Variants in GFI1B observed in about 807,000 individuals in gnomAD.
The protein encoded by GFI1B is growth factor independent 1B transcriptional repressor, also known as zinc finger protein Gfi-1b.
Under a neutral mutation model 35.3 loss-of-function variants are expected in GFI1B, and 20 were observed. The ratio of observed to expected loss-of-function variants is 0.57; its 90% CI spans 0.40 to 0.82. The LOEUF is 0.82. Among genes scored for constraint, GFI1B ranks in the 40% least tolerant of loss-of-function variants. The pLI is 0.00. For synonymous variants in GFI1B, 178 were observed against 177.6 expected (o/e 1.00, Z -0.02); for missense variants, 430 against 446.3 (o/e 0.96, Z 0.33).
intron 1 of GFI1B, among the ~76,000 whole-genome samples, chr9:132,957,516 G>A (rs1388228196): frequency 2.0e-5 from 3 of 152,148 alleles, no homozygotes; most frequent in East Asian, 1.9e-4. Context: ...GCTGGGCATG[G>A]GGGAACTCAG....
intron 1 of GFI1B, among the ~76,000 whole-genome samples, chr9:132,985,144 G>A (rs933362526): frequency 2.0e-5 from 3 of 152,222 alleles, no homozygotes; most frequent in African/African-American, 2.4e-5. Context: ...GGGGCAGAAA[G>A]GATAGAGGAC....
chr9:132,982,298 G>A (rs571155553), intron 1 of GFI1B, among the ~76,000 whole-genome samples: 1 of 152,310 alleles, frequency 6.6e-6, no homozygotes, highest in African/African-American at 2.4e-5. Context: ...CCCCAGGTTG[G>A]TGGCTGATGC....
upstream of GFI1B, among the ~76,000 whole-genome samples, chr9:132,976,842 T>C (rs1055587344): frequency 2.2e-4 from 33 of 152,268 alleles, no homozygotes; most frequent in African/African-American, 7.9e-4. Context: ...CTCAAGAGGC[T>C]GAAGCAGGAG....
chr9:132,991,024 C>G lies in GFI1B; in HGVS notation c.967C>G (p.Arg323Gly). ...GCGCAAGGTGGACCTGCGGCGGCAC[C>G]GCGAGAGCCAGCACAATCTCAAGTG... The part of the protein sequence containing the change: ...FQRKVDLRRH[R>G]ESQHNLK The change falls in exon 7 of 7, where the codon CGC (arginine) becomes GGC (glycine). Residue 323 changes from arginine (R) to glycine (G), a missense_variant. Arg to Gly is a moderately radical substitution (Grantham distance 125). Coordinates refer to ENST00000372122, the MANE Select transcript of GFI1B (RefSeq NM_001377304.1). 1 of 1,614,008 alleles carries G rather than the reference C, an allele frequency of 6.2e-7. No individual in the cohort carries two copies.
At chr9:132,955,841 T>TG (rs1848276526) in intron 1 of GFI1B, among the ~76,000 whole-genome samples, 1 of 148,518 alleles carries the variant, frequency 6.7e-6, no homozygotes, top group Admixed American at 6.8e-5. Context: ...TGTGTGTGTG[T>TG]TTAAGGAATT....
intron 1 of GFI1B, among the ~76,000 whole-genome samples, chr9:132,984,813 C>T (rs1157783642): frequency 6.6e-6 from 1 of 152,180 alleles, no homozygotes; most frequent in African/African-American, 2.4e-5. Context: ...TGCCCCCAGG[C>T]TCTGGGCCAG....
intron 6 of GFI1B, 76 bp from the exon 7 acceptor site, chr9:132,990,796 G>A (rs1253443100): frequency 8.9e-6 from 12 of 1,345,858 alleles, no homozygotes; most frequent in African/African-American, 2.9e-5. Flanking sequence ...GAACCCGGGG[G>A]CAGGGCAGGG....
At position 132,991,497 on chromosome 9, in the gene GFI1B, A is replaced by C; in HGVS notation, c.*447A>C. The C allele has an allele frequency of 5.5e-6, 1 of 180,792 alleles. No individual in the cohort carries two copies. Among genetic ancestry groups the C allele is most frequent in the Non-Finnish European group, 1.2e-5 (1 of 84,230 alleles). 11.2% of individuals were successfully genotyped at this position (180,792 alleles called of 1,614,324 possible). A position where few individuals can be genotyped will look rare whatever the true frequency, so the allele number is the denominator to read the frequency against. ...ACAGGCAGAGTCGGAGCTGCCTCCC[A>C]CCCCAGTCAGAAGCCTGGCACCCCC... On this transcript the variant is annotated 3_prime_UTR_variant, in exon 7 of 7. Coordinates refer to ENST00000372122, the MANE Select transcript of GFI1B (RefSeq NM_001377304.1).
Position 132,989,750 on chromosome 9 carries a change from C to A in GFI1B, c.657C>A (p.Ser219Arg). The A allele has an allele frequency of 1.2e-6, 2 of 1,613,972 alleles. No homozygotes were observed. Among genetic ancestry groups the A allele is most frequent in the Non-Finnish European group, 1.7e-6 (2 of 1,179,844 alleles). ...CTCATTTCCTCCGGCAGGAGCGCAG[C>A]TTCGAGTGCCGCATGTGCGGCAAGG... ...QHTHVHSQER[S>R]FECRMCGKAF... is the part of the protein sequence containing the mutation. Residue 219 changes from serine (S) to arginine (R), a missense_variant, in exon 6 of 7, where the codon AGC (serine) becomes AGA (arginine). Ser to Arg is a moderately radical substitution (Grantham distance 110). Coordinates refer to ENST00000372122, the MANE Select transcript of GFI1B (RefSeq NM_001377304.1). The surrounding 1 kb of genome is among the most constrained non-coding windows in gnomAD (Gnocchi z 6.2).
At chr9:132,947,556 C>T (rs1848137846) in intron 1 of GFI1B, among the ~76,000 whole-genome samples, 2 of 151,954 alleles carry the variant, frequency 1.3e-5, no homozygotes, top group South Asian at 4.2e-4. Context: ...CTTCTGTAAT[C>T]CTAGCAATTT....
Position 132,979,246 on chromosome 9 carries a change from C to CTTTTTT in GFI1B, c.-21+428_-21+433dup, listed in dbSNP as rs34125755. On this transcript the variant is annotated intron_variant, in intron 1 of 6. Coordinates refer to ENST00000372122, the MANE Select transcript of GFI1B (RefSeq NM_001377304.1). ...GGACTTGACTAAAGTTCCTGGGACA[C>CTTTTTT]TTTTTTTTTTTTTTTTTTTTTTTTT... 2.0e-3 allele frequency among the ~76,000 whole-genome samples: 191 copies of CTTTTTT among 95,620 alleles called. 12 individuals are homozygous for CTTTTTT. The highest frequency in any genetic ancestry group is 5.3e-3 in the East Asian group (19 of 3,588). The allele number at this position is 95,620 out of a possible 152,430, so 62.7% of individuals were successfully genotyped here.
chr9:132,986,133 T>C (rs996446192), intron 1 of GFI1B, among the ~76,000 whole-genome samples: 1 of 152,162 alleles, frequency 6.6e-6, no homozygotes, highest in Non-Finnish European at 1.5e-5. Flanking sequence ...AATTTATTCT[T>C]TCATGGTTCT....
At chr9:132,984,404 G>A (rs560347670) in intron 1 of GFI1B, among the ~76,000 whole-genome samples, 1 of 152,270 alleles carries the variant, frequency 6.6e-6, no homozygotes, top group African/African-American at 2.4e-5. Context: ...CCCCCGGCCC[G>A]AGCCTGTGTT....
chr9:132,952,699 T>C (rs1266687510), intron 1 of GFI1B: 1 of 152,222 alleles, frequency 6.6e-6, no homozygotes, highest in African/African-American at 2.4e-5. Flanking sequence ...CCAGTAGTGG[T>C]GATATTAGGC....
chr9:132,962,640 T>C (rs1042615724), intron 1 of GFI1B: 1 of 498,096 alleles, frequency 2.0e-6, no homozygotes, highest in Non-Finnish European at 4.0e-6. Flanking sequence ...AAAGGAGATA[T>C]TGAAGAAGAA....
intron 1 of GFI1B, among the ~76,000 whole-genome samples, chr9:132,958,969 A>G (rs1438970663): frequency 6.6e-6 from 1 of 152,172 alleles, no homozygotes; most frequent in African/African-American, 2.4e-5. Flanking sequence ...GAGGACAGAG[A>G]GGGCTGGCCT....
chr9:132,947,531 T>G (rs1848137334), intron 1 of GFI1B, among the ~76,000 whole-genome samples: 1 of 151,904 alleles, frequency 6.6e-6, no homozygotes, highest in Non-Finnish European at 1.5e-5. Context: ...TAAAGTGGCC[T>G]GGCGCAGTAG....
intron 1 of GFI1B, among the ~76,000 whole-genome samples, chr9:132,972,479 A>G (rs1359746791): frequency 1.3e-5 from 2 of 151,954 alleles, no homozygotes; most frequent in Non-Finnish European, 2.9e-5. Flanking sequence ...GGTCCTAGCT[A>G]CTCGGAAGGC....
intron 1 of GFI1B, chr9:132,962,681 A>C: frequency 2.1e-6 from 1 of 474,864 alleles, no homozygotes; most frequent in Non-Finnish European, 4.2e-6. Flanking sequence ...ATTACACATG[A>C]GATGACACAC....
Sources: gnomAD v4.1 joint callset for allele counts (sites outside exome capture counted in the v4.1 genomes callset) on GRCh38, gnomAD v4.1.1 for gene constraint, Gnocchi (gnomAD v3.1) non-coding constraint, MANE v1.5 for transcripts, NCBI Gene and HGNC (gene_info 2026-07-23, HGNC 2026-07-21) for gene names.